The following PANK1 variants were observed in gnomAD, a reference collection of about 807,000 sequenced individuals.
The protein encoded by PANK1 is pantothenate kinase 1.
A neutral mutation model predicts 40.1 loss-of-function variants in PANK1; 18 were observed. The ratio of observed to expected loss-of-function variants is 0.45; its 90% confidence interval spans 0.31 to 0.67. The LOEUF (loss-of-function observed/expected upper bound fraction) is 0.67. Among genes scored for constraint, PANK1 ranks in the 30% least tolerant of loss-of-function variants. The pLI, the probability that PANK1 is intolerant of heterozygous loss-of-function variation, is 0.06. For missense variants in PANK1, 457 were observed against 599.6 expected, an observed-to-expected ratio of 0.76 and a Z score of 2.48; for synonymous variants, 242 against 237.7, an observed-to-expected ratio of 1.02 and a Z score of -0.17.
chr10:89,591,072 A>G (rs1844369629), intron 5 of PANK1, among the ~76,000 whole-genome samples: 1 of 151,120 alleles, frequency 6.6e-6, no homozygotes, highest in Non-Finnish European at 1.5e-5. Flanking sequence ...ATAAAGCAAG[A>G]TATAGAATAG....
chr10:89,641,952 A>C (rs1368249675), intron 1 of PANK1, among the ~76,000 whole-genome samples: 1 of 152,154 alleles, frequency 6.6e-6, no homozygotes, highest in African/African-American at 2.4e-5. Flanking sequence ...CCAGCAGTTC[A>C]AGATGTGACT....
intron 2 of PANK1, among the ~76,000 whole-genome samples, chr10:89,608,881 T>C (rs10881606): frequency 0.32 from 47,925 of 152,020 alleles, 7,691 homozygotes; most frequent in Non-Finnish European, 0.35. Context: ...ATTAGGACAC[T>C]AAGGGCCTTA....
chr10:89,622,238 T>C (rs980388462), intron 1 of PANK1, among the ~76,000 whole-genome samples: 10 of 152,240 alleles, frequency 6.6e-5, no homozygotes, highest in African/African-American at 2.2e-4. Flanking sequence ...AAACCCATAA[T>C]TATCACACAC....
At chr10:89,637,301 C>T (rs1049561865) in intron 1 of PANK1, among the ~76,000 whole-genome samples, 5 of 152,092 alleles carry the variant, frequency 3.3e-5, no homozygotes, top group African/African-American at 7.2e-5. Flanking sequence ...TACAGTCATA[C>T]GTCACTTAAT....
chr10:89,588,876 G>T, intron 5 of PANK1, 99 bp from the exon 6 acceptor site: 1 of 744,580 alleles, frequency 1.3e-6, no homozygotes, highest in Non-Finnish European at 1.9e-6. Context: ...ACCTTGAAGA[G>T]TGAATATTCC....
chr10:89,633,459 C>G (rs1841710888), intron 1 of PANK1, among the ~76,000 whole-genome samples: 1 of 152,126 alleles, frequency 6.6e-6, no homozygotes, highest in African/African-American at 2.4e-5. Context: ...GTAAGAAGAT[C>G]TGATTATCTC....
At chr10:89,625,893 T>G (rs545817006) in intron 1 of PANK1, 1 of 152,210 alleles carries the variant, frequency 6.6e-6, no homozygotes, top group Admixed American at 6.5e-5. Flanking sequence ...ATCCATGAGG[T>G]TAATAAAATT....
downstream of PANK1, chr10:89,581,141 GA>G (rs1351209915): frequency 6.6e-6 from 1 of 151,746 alleles, no homozygotes; most frequent in African/African-American, 2.4e-5. Flanking sequence ...TGTGGCACTT[GA>G]TGACTGATGT....
At chr10:89,602,133 C>T (rs1295085602) in intron 2 of PANK1, among the ~76,000 whole-genome samples, 1 of 152,212 alleles carries the variant, frequency 6.6e-6, no homozygotes, top group Non-Finnish European at 1.5e-5. Context: ...AGAGGTTCAT[C>T]AACAATATTG....
At chr10:89,643,740 A>G in intron 1 of PANK1, 1 of 1,613,814 alleles carries the variant, frequency 6.2e-7, no homozygotes, top group South Asian at 1.1e-5. Flanking sequence ...ACACCCACAA[A>G]GAAGTAACCA....
intron 1 of PANK1, among the ~76,000 whole-genome samples, chr10:89,631,232 T>G (rs927096012): frequency 1.3e-5 from 2 of 152,232 alleles, no homozygotes; most frequent in African/African-American, 4.8e-5. Flanking sequence ...TTCATAAAGC[T>G]GACAAAAGTA....
chr10:89,592,747 T>C (rs1167510712), intron 5 of PANK1: 1 of 535,188 alleles, frequency 1.9e-6, no homozygotes. Context: ...TAGCAAGCTC[T>C]CTGTGCTTTG....
At chr10:89,637,735 G>T (rs1049969245) in intron 1 of PANK1, among the ~76,000 whole-genome samples, 3 of 152,148 alleles carry the variant, frequency 2.0e-5, no homozygotes, top group East Asian at 1.9e-4. Context: ...TTTATAAAAA[G>T]AAATTTATTT....
intron 6 of PANK1, among the ~76,000 whole-genome samples, chr10:89,587,170 T>C (rs1844221147): frequency 6.6e-6 from 1 of 151,720 alleles, no homozygotes; most frequent in East Asian, 1.9e-4. Flanking sequence ...TTACTGACAC[T>C]CTCCATTTCC....
At chr10:89,580,360 A>C (rs1844030746), downstream of PANK1, 1 of 152,202 alleles carries the variant, frequency 6.6e-6, no homozygotes, top group African/African-American at 2.4e-5. Flanking sequence ...ACTTTCCTTG[A>C]AACTCTTTGA....
At position 89,612,063 on chromosome 10, in the gene PANK1, G is replaced by C; in HGVS notation, c.293-15C>G. On this transcript the variant is annotated splice_polypyrimidine_tract_variant and intron_variant, in intron 1 of 6. Coordinates refer to ENST00000307534, the MANE Select transcript of PANK1 (RefSeq NM_148977.3). Reference sequence around the variant, plus strand: ...CCATGGGAATGCTAAAGGACAGAAAGAAAGAGTGCTGCTGAATGCTATGCG... The same window carrying C: ...CCATGGGAATGCTAAAGGACAGAAACAAAGAGTGCTGCTGAATGCTATGCG... The C allele has an allele frequency of 6.2e-7, 1 of 1,600,026 alleles. No homozygotes were observed. Among genetic ancestry groups the C allele is most frequent in the Non-Finnish European group, 8.5e-7 (1 of 1,171,308 alleles).
intron 2 of PANK1, among the ~76,000 whole-genome samples, chr10:89,601,265 C>T (rs756388122): frequency 3.6e-5 from 5 of 138,498 alleles, no homozygotes; most frequent in South Asian, 2.3e-4. Flanking sequence ...ACTTGAGCCA[C>T]GGATTTTGAG....
intron 1 of PANK1, among the ~76,000 whole-genome samples, chr10:89,616,157 C>T (rs960066007): frequency 5.3e-5 from 8 of 152,186 alleles, no homozygotes; most frequent in Admixed American, 3.3e-4. Flanking sequence ...AAGACTTTTG[C>T]AAACAAATAA....
chr10:89,643,853 T>C, intron 1 of PANK1: 7 of 1,528,552 alleles, frequency 4.6e-6, no homozygotes, highest in Non-Finnish European at 6.1e-6. Flanking sequence ...ACTACCATTA[T>C]ATATACAAGC....
Sources: gnomAD v4.1 joint callset for allele counts (sites outside exome capture counted in the v4.1 genomes callset) on GRCh38, gnomAD v4.1.1 for gene constraint, MANE v1.5 for transcripts, NCBI Gene and HGNC (gene_info 2026-07-23, HGNC 2026-07-21) for gene names.